PXDNL: variants seen among roughly 807,000 people sequenced by gnomAD.
The protein encoded by PXDNL is peroxidasin like, also known as probable oxidoreductase PXDNL.
In PXDNL, 145 loss-of-function variants were observed where a neutral mutation model predicts 150.8. That is an observed-to-expected ratio of 0.96 (90% CI 0.84 to 1.10). PXDNL has a LOEUF of 1.10. Ranked by LOEUF, PXDNL falls within the 50% of genes least tolerant of loss-of-function variation. The probability of loss-of-function intolerance (pLI) is 0.00; values close to 1 mark genes in which losing one functional copy is unlikely to be tolerated. For synonymous variants in PXDNL, 757 were observed against 725.7 expected, an observed-to-expected ratio of 1.04 and a Z score of -0.69; for missense variants, 2,087 against 1,873.9, an observed-to-expected ratio of 1.11 and a Z score of -2.10.
At chr8:51,365,583 T>G (rs1806890293) in intron 19 of PXDNL, among the ~76,000 whole-genome samples, 1 of 152,234 alleles carries the variant, frequency 6.6e-6, no homozygotes. Context: ...CGTTGTATTC[T>G]CTCAAAAATT....
chr8:51,721,135 A>G (rs1350467071), intron 1 of PXDNL, among the ~76,000 whole-genome samples: 1 of 152,204 alleles, frequency 6.6e-6, no homozygotes, highest in African/African-American at 2.4e-5. Context: ...ACCTGCAGAC[A>G]ACCTTCAAAG....
intron 1 of PXDNL, among the ~76,000 whole-genome samples, chr8:51,719,414 T>C (rs948518445): frequency 1.3e-5 from 2 of 152,178 alleles, no homozygotes; most frequent in African/African-American, 4.8e-5. Flanking sequence ...GTGCAAGATG[T>C]GCTTTGTTAA....
chr8:51,320,739 T>G, intron 22 of PXDNL, 45 bp downstream of exon 22: 1 of 1,381,860 alleles, frequency 7.2e-7, no homozygotes, highest in Non-Finnish European at 1.0e-6. Context: ...ACTGGCTGGC[T>G]AGAAGTGAAA....
At chr8:51,649,236 C>T (rs1814985435) in intron 2 of PXDNL, among the ~76,000 whole-genome samples, 1 of 152,118 alleles carries the variant, frequency 6.6e-6, no homozygotes, top group Non-Finnish European at 1.5e-5. Flanking sequence ...GTTGCAGCAC[C>T]GACATAGACC....
chr8:51,783,632 T>C (rs186045456), intron 1 of PXDNL, among the ~76,000 whole-genome samples: 18 of 152,276 alleles, frequency 1.2e-4, no homozygotes, highest in Admixed American at 7.2e-4. Context: ...CTACCTTTGA[T>C]ATGGAACAAA....
At chr8:51,663,465 A>T (rs1161615433) in intron 1 of PXDNL, among the ~76,000 whole-genome samples, 1 of 152,058 alleles carries the variant, frequency 6.6e-6, no homozygotes, top group Non-Finnish European at 1.5e-5. Flanking sequence ...GCTTACAAAC[A>T]CCCTTTATTT....
chr8:51,711,855 C>T (rs1479836188), intron 1 of PXDNL, among the ~76,000 whole-genome samples: 2 of 152,076 alleles, frequency 1.3e-5, no homozygotes, highest in Admixed American at 1.3e-4. Flanking sequence ...TCTCATTTTT[C>T]TTTTTATCCA....
At chr8:51,457,090 G>A (rs764561342) in intron 9 of PXDNL, among the ~76,000 whole-genome samples, 12 of 152,228 alleles carry the variant, frequency 7.9e-5, no homozygotes, top group Admixed American at 6.5e-5. Context: ...AATAAGGAAC[G>A]TGGTTGATAA....
At chr8:51,727,626 G>A (rs1816839080) in intron 1 of PXDNL, among the ~76,000 whole-genome samples, 1 of 151,992 alleles carries the variant, frequency 6.6e-6, no homozygotes, top group Non-Finnish European at 1.5e-5. Context: ...TGACTTGGAG[G>A]GCATTTTTTT....
rs538762571 is a variant in PXDNL, at chr8:51,408,805, G to T, written c.2819C>A (p.Pro940Gln). 6.4e-7 allele frequency: 1 copy of T among 1,569,350 alleles called. No individual in the cohort carries two copies. Among genetic ancestry groups the T allele is most frequent in the Non-Finnish European group, 8.6e-7 (1 of 1,158,582 alleles). The stretch of plus-strand genomic sequence containing the variant: ...CTCCTGTCGCGCGCACTCGGTGGGT[G>T]GGCCTGTAGAAAAGGGCAATAAGGG... ...GKPLLPFSTG[P>Q]PTECARQEQE... The change falls in exon 17 of 23, where the codon CCA becomes CAA. Residue 940 changes from proline (P) to glutamine (Q), a missense_variant. By Grantham distance (76) the Pro-to-Gln change is moderately conservative. Transcript: ENST00000356297.
At chr8:51,709,864 G>A (rs1046093974) in intron 1 of PXDNL, among the ~76,000 whole-genome samples, 6 of 152,110 alleles carry the variant, frequency 3.9e-5, no homozygotes, top group Admixed American at 2.0e-4. Context: ...ACAAAGTTTT[G>A]CACATTATCT....
intron 2 of PXDNL, among the ~76,000 whole-genome samples, chr8:51,596,319 T>TG (rs1813563093): frequency 6.6e-6 from 1 of 152,234 alleles, no homozygotes; most frequent in South Asian, 2.1e-4. Flanking sequence ...CCTGTGTTGA[T>TG]TCCATGATTT....
intron 3 of PXDNL, among the ~76,000 whole-genome samples, chr8:51,581,583 T>C (rs118146212): frequency 0.026 from 3,930 of 152,056 alleles, 78 homozygotes; most frequent in Non-Finnish European, 0.038. Flanking sequence ...ATAAGTTATC[T>C]TCGTGAGAAA....
chr8:51,409,494 TG>T lies in PXDNL; in HGVS notation c.2129del (p.Thr710LysfsTer37). 5.6e-6 allele frequency: 9 copies of T among 1,611,606 alleles called. No homozygotes were observed. The highest frequency in any genetic ancestry group is 7.6e-6 in the Non-Finnish European group (9 of 1,179,300). ...LSLIANLSGCTARRPLPNCSN... is the reference protein window; with the variant it reads ...LSLIANLSGCXARRPLPNCSN... ...AGCAGTTTGGCAGAGGCCTGCGAGCTGTGCATCCAGATAAATTGGCGATGAG... is the reference window on the plus strand; with the variant it reads ...AGCAGTTTGGCAGAGGCCTGCGAGCTTGCATCCAGATAAATTGGCGATGAG... On this transcript the variant is annotated frameshift_variant, in exon 17 of 23. Coordinates refer to ENST00000356297, the MANE Select transcript of PXDNL (RefSeq NM_144651.5). LOFTEE classifies it high-confidence loss of function.
intron 6 of PXDNL, among the ~76,000 whole-genome samples, chr8:51,482,543 G>A (rs1563431325): frequency 6.8e-6 from 1 of 147,994 alleles, no homozygotes; most frequent in African/African-American, 2.7e-5. Flanking sequence ...GGAGGGGCCA[G>A]GGGCGGAATG....
In PXDNL at chr8:51,806,239, T is replaced by C. The variant is rs972568753; in HGVS notation, c.164+2942A>G. Among the ~76,000 whole-genome samples, 7 of 152,326 alleles carry C rather than the reference T, an allele frequency of 4.6e-5. No individual in the cohort carries two copies. The South Asian group carries it at 1.2e-3, about 27-fold the overall frequency. On this transcript the variant is annotated intron_variant, in intron 1 of 22. Transcript: ENST00000356297. ...ATTCAGGCTAAAATTTTAAAACATG[T>C]AAAAATGGAAAAAATTAAGGAAATT...
At chr8:51,516,325 TC>T (rs1811538465) in intron 4 of PXDNL, among the ~76,000 whole-genome samples, 1 of 152,178 alleles carries the variant, frequency 6.6e-6, no homozygotes, top group Non-Finnish European at 1.5e-5. Flanking sequence ...AAACACAAAT[TC>T]AAGTCAACTC....
intron 2 of PXDNL, among the ~76,000 whole-genome samples, chr8:51,643,759 C>G (rs1814833060): frequency 6.6e-6 from 1 of 152,094 alleles, no homozygotes; most frequent in South Asian, 2.1e-4. Context: ...AACAGGCAAC[C>G]TACAGAATGG....
chr8:51,630,179 G>T (rs1175805022), intron 2 of PXDNL, among the ~76,000 whole-genome samples: 1 of 151,992 alleles, frequency 6.6e-6, no homozygotes, highest in Non-Finnish European at 1.5e-5. Context: ...AAAACAAGCA[G>T]TGGGAAATTA....
Sources: gnomAD v4.1 joint callset for allele counts (sites outside exome capture counted in the v4.1 genomes callset) on GRCh38, gnomAD v4.1.1 for gene constraint, MANE v1.5 for transcripts, NCBI Gene and HGNC (gene_info 2026-07-23, HGNC 2026-07-21) for gene names.